Variants in CADPS observed in about 807,000 individuals in gnomAD.
The protein encoded by CADPS is calcium-dependent secretion activator 1.
CADPS carries 57 observed loss-of-function variants against 167.3 expected under a neutral mutation model. That is an observed-to-expected ratio of 0.34 (90% CI 0.28 to 0.42). CADPS has a LOEUF of 0.42. Among genes scored for constraint, CADPS ranks in the 20% least tolerant of loss-of-function variants. CADPS has a pLI of 1.00. For synonymous variants in CADPS, 676 were observed against 635.3 expected (o/e 1.06, Z -0.96); for missense variants, 1,414 against 1,738.1 (o/e 0.81, Z 3.32).
intron 27 of CADPS, chr3:62,441,151 T>C (rs1321297025): frequency 2.0e-5 from 3 of 152,278 alleles, no homozygotes; most frequent in African/African-American, 4.8e-5. Context: ...TTTATATCAT[T>C]GTGCTACCCG....
intron 24 of CADPS, among the ~76,000 whole-genome samples, chr3:62,471,479 C>T: frequency 6.6e-6 from 1 of 152,090 alleles, no homozygotes; most frequent in East Asian, 1.9e-4. Flanking sequence ...AAGTTTGTGA[C>T]AGCAACTCCC....
At chr3:62,783,007 G>C (rs578183181) in intron 1 of CADPS, among the ~76,000 whole-genome samples, 1 of 152,218 alleles carries the variant, frequency 6.6e-6, no homozygotes, top group East Asian at 1.9e-4. Context: ...TTATCCACCT[G>C]CCTCAGCTTC....
chr3:62,764,313 C>A (rs1434348753), intron 2 of CADPS, among the ~76,000 whole-genome samples: 2 of 152,184 alleles, frequency 1.3e-5, no homozygotes, highest in African/African-American at 4.8e-5. Flanking sequence ...CTCATTTCTA[C>A]TCCCCATGAA....
chr3:62,648,241 T>C (rs1406691571), intron 5 of CADPS, among the ~76,000 whole-genome samples: 65 of 152,174 alleles, frequency 4.3e-4, no homozygotes, highest in Non-Finnish European at 2.9e-5. Context: ...ATTTAAAAAG[T>C]ATTTGGGGAT....
At chr3:62,571,040 A>G in intron 8 of CADPS, 102 bp from the exon 9 acceptor site, 2 of 821,172 alleles carry the variant, frequency 2.4e-6, no homozygotes, top group East Asian at 2.4e-5. Context: ...AAGGAAACGC[A>G]CATGGCTCAG....
intron 2 of CADPS, among the ~76,000 whole-genome samples, chr3:62,758,926 G>C (rs1490416349): frequency 6.6e-6 from 1 of 152,156 alleles, no homozygotes; most frequent in Non-Finnish European, 1.5e-5. Flanking sequence ...GCTCCCATTT[G>C]CTAGCTGATA....
intron 6 of CADPS, among the ~76,000 whole-genome samples, chr3:62,597,294 C>G (rs1035129894): frequency 6.6e-6 from 1 of 152,160 alleles, no homozygotes; most frequent in African/African-American, 2.4e-5. Context: ...TTACTGTGAG[C>G]TATGATCACG....
chr3:62,599,603 TTA>T (rs2148990709), intron 6 of CADPS, among the ~76,000 whole-genome samples: 1 of 79,066 alleles, frequency 1.3e-5, no homozygotes, highest in East Asian at 3.6e-4. Flanking sequence ...TATTATATAT[TTA>T]TTATATTATA....
intron 3 of CADPS, among the ~76,000 whole-genome samples, chr3:62,740,321 G>T (rs1368190721): frequency 1.3e-5 from 2 of 152,186 alleles, no homozygotes; most frequent in Non-Finnish European, 2.9e-5. Flanking sequence ...CATTTAGTCT[G>T]CTGACGGCCC....
At chr3:62,629,565 CT>C (rs2149665717) in intron 6 of CADPS, among the ~76,000 whole-genome samples, 1 of 152,314 alleles carries the variant, frequency 6.6e-6, no homozygotes, top group South Asian at 2.1e-4. Flanking sequence ...ATTAAGTACC[CT>C]GCATTTCCCT....
Position 62,421,380 on chromosome 3 carries a change from T to A in CADPS, c.3777+16724A>T, listed in dbSNP as rs2051352512. 6.6e-6 allele frequency among the ~76,000 whole-genome samples: 1 copy of A among 152,206 alleles called. No homozygotes were observed. The highest frequency in any genetic ancestry group is 1.9e-4 in the East Asian group (1 of 5,184). On this transcript the variant is annotated intron_variant, in intron 28 of 29. Coordinates refer to ENST00000383710, the MANE Select transcript of CADPS (RefSeq NM_003716.4). This position sits in a 1 kb window ranked among gnomAD's most constrained non-coding sequence, Gnocchi z 4.7. The stretch of plus-strand genomic sequence containing the variant: ...CCTGAATGGGGCAAACCTCCTAAGT[T>A]GAATGGAGTGTCTTTTGGGACCAAT...
At chr3:62,402,067 T>C (rs937884977) in intron 29 of CADPS, among the ~76,000 whole-genome samples, 1 of 152,188 alleles carries the variant, frequency 6.6e-6, no homozygotes. Flanking sequence ...TTTTAAGAGC[T>C]GTAATACACT....
chr3:62,513,693 T>C, intron 16 of CADPS: 3 of 1,585,824 alleles, frequency 1.9e-6, no homozygotes, highest in Non-Finnish European at 2.6e-6. Context: ...GCTCATACAT[T>C]TCTCTCTTTT....
At chr3:62,762,829 C>T (rs1216573108) in intron 2 of CADPS, among the ~76,000 whole-genome samples, 1 of 152,080 alleles carries the variant, frequency 6.6e-6, no homozygotes, top group African/African-American at 2.4e-5. Flanking sequence ...AAAACAAGAC[C>T]GATATCTAAA....
intron 1 of CADPS, among the ~76,000 whole-genome samples, chr3:62,869,265 T>C (rs2082221784): frequency 6.6e-6 from 1 of 152,094 alleles, no homozygotes. Flanking sequence ...GGAAGTCATT[T>C]AGCCTCCTAG....
At chr3:62,461,482 T>C (rs576002967) in intron 26 of CADPS, among the ~76,000 whole-genome samples, 8 of 152,266 alleles carry the variant, frequency 5.3e-5, no homozygotes, top group African/African-American at 1.2e-4. Context: ...CGGTATATCA[T>C]AGTTCTCGGG....
rs901066387 is a variant in CADPS, at chr3:62,601,510, C to A, written c.1326-8762G>T. On this transcript the variant is annotated intron_variant, in intron 6 of 29. Coordinates refer to ENST00000383710, the MANE Select transcript of CADPS (RefSeq NM_003716.4). This position sits in a 1 kb window ranked among gnomAD's most constrained non-coding sequence, Gnocchi z 4.3. The stretch of plus-strand genomic sequence containing the variant: ...GCTCATCTGGGCATACCCACAAAGA[C>A]GAACTATAAACATGCACTCACAAAG... 7.2e-5 allele frequency among the ~76,000 whole-genome samples: 11 copies of A among 152,276 alleles called. No individual in the cohort carries two copies. Among genetic ancestry groups the A allele is most frequent in the African/African-American group, 2.6e-4 (11 of 41,542 alleles).
intron 11 of CADPS, among the ~76,000 whole-genome samples, chr3:62,542,935 C>A (rs1421785940): frequency 6.6e-6 from 1 of 152,150 alleles, no homozygotes; most frequent in Non-Finnish European, 1.5e-5. Flanking sequence ...TTTTTGCACT[C>A]ACTCCAACAT....
At position 62,433,039 on chromosome 3, in the gene CADPS, T is replaced by TA. The variant is rs1484503712; in HGVS notation, c.3777+5064dup. ...TTTCCCTTACCTGGACAGCTGGTGA[T>TA]ATACCTTACAGATATAGCGTCATGT... On this transcript the variant is annotated intron_variant, in intron 28 of 29. Transcript: ENST00000383710. The surrounding 1 kb of genome is among the most constrained non-coding windows in gnomAD (Gnocchi z 4.7). Among the ~76,000 whole-genome samples the TA allele has an allele frequency of 1.3e-5, 2 of 152,200 alleles. No individual in the cohort carries two copies. Among genetic ancestry groups the TA allele is most frequent in the Non-Finnish European group, 2.9e-5 (2 of 68,032 alleles).
Sources: gnomAD v4.1 joint callset for allele counts (sites outside exome capture counted in the v4.1 genomes callset) on GRCh38, gnomAD v4.1.1 for gene constraint, Gnocchi (gnomAD v3.1) non-coding constraint, MANE v1.5 for transcripts, NCBI Gene and HGNC (gene_info 2026-07-23, HGNC 2026-07-21) for gene names.